Variants in COL8A1 observed in about 807,000 individuals in gnomAD.
The protein encoded by COL8A1 is collagen type VIII alpha 1 chain, also known as collagen alpha-1(VIII) chain.
COL8A1 carries 21 observed loss-of-function variants against 42.7 expected under a neutral mutation model. The ratio of observed to expected loss-of-function variants is 0.49; its 90% CI spans 0.35 to 0.71. The LOEUF is 0.71. Among genes scored for constraint, COL8A1 ranks in the 30% least tolerant of loss-of-function variants. The pLI is 0.01. For missense variants in COL8A1, 788 were observed against 962.4 expected (o/e 0.82, Z 2.40); for synonymous variants, 367 against 369.1 (o/e 0.99, Z 0.06).
chr3:99,720,600 G>T (rs1342493633), intron 1 of COL8A1, among the ~76,000 whole-genome samples: 3 of 152,070 alleles, frequency 2.0e-5, no homozygotes, highest in Non-Finnish European at 4.4e-5. Flanking sequence ...TTCACCAAAA[G>T]GCAGCCTTTC....
At chr3:99,722,697 A>G (rs1191534077) in intron 1 of COL8A1, among the ~76,000 whole-genome samples, 1 of 152,090 alleles carries the variant, frequency 6.6e-6, no homozygotes, top group Non-Finnish European at 1.5e-5. Context: ...TAGTTGCAAA[A>G]CAAGGCATTC....
intron 1 of COL8A1, among the ~76,000 whole-genome samples, chr3:99,720,164 T>C (rs1019513725): frequency 6.6e-6 from 1 of 152,186 alleles, no homozygotes; most frequent in Non-Finnish European, 1.5e-5. Context: ...AATTGTGTCA[T>C]AGAATTTCTC....
intron 2 of COL8A1, among the ~76,000 whole-genome samples, chr3:99,785,352 A>G (rs1221938413): frequency 1.3e-5 from 2 of 152,240 alleles, no homozygotes; most frequent in East Asian, 3.8e-4. Context: ...AATATTGAGA[A>G]GTCAAATTAT....
chr3:99,684,511 G>C (rs904798436), intron 1 of COL8A1, among the ~76,000 whole-genome samples: 1 of 152,120 alleles, frequency 6.6e-6, no homozygotes, highest in African/African-American at 2.4e-5. Flanking sequence ...AAGGCATATT[G>C]AATGAGCAAT....
At chr3:99,775,923 G>A (rs1259336621) in intron 2 of COL8A1, among the ~76,000 whole-genome samples, 1 of 152,198 alleles carries the variant, frequency 6.6e-6, no homozygotes, top group Non-Finnish European at 1.5e-5. Context: ...TCCAAAAGAG[G>A]CACTACCATC....
At chr3:99,654,859 A>G (rs761973514) in intron 1 of COL8A1, among the ~76,000 whole-genome samples, 1 of 152,170 alleles carries the variant, frequency 6.6e-6, no homozygotes, top group Non-Finnish European at 1.5e-5. Flanking sequence ...GTTCATAAAA[A>G]CAAAGGAAGA....
At chr3:99,721,859 C>T (rs1940166439) in intron 1 of COL8A1, among the ~76,000 whole-genome samples, 1 of 151,154 alleles carries the variant, frequency 6.6e-6, no homozygotes, top group South Asian at 2.1e-4. Context: ...TATTATAGAA[C>T]CCCTGAGAAG....
chr3:99,674,743 C>A (rs1412457933), intron 1 of COL8A1, among the ~76,000 whole-genome samples: 1 of 151,946 alleles, frequency 6.6e-6, no homozygotes, highest in African/African-American at 2.4e-5. Flanking sequence ...GCATGAAAAT[C>A]AAATGTTTGA....
intron 2 of COL8A1, among the ~76,000 whole-genome samples, chr3:99,751,881 C>T (rs572607805): frequency 1.3e-5 from 2 of 152,206 alleles, no homozygotes; most frequent in East Asian, 1.9e-4. Context: ...TTGAAATGAG[C>T]GTTCTTAGCC....
In COL8A1 at chr3:99,797,567, C is replaced by G. The variant is rs557549285; in HGVS notation, c.*1431C>G. On this transcript the variant is annotated 3_prime_UTR_variant, in exon 4 of 4. Coordinates refer to ENST00000652472, the MANE Select transcript of COL8A1 (RefSeq NM_020351.4). ...GATTACAGGCATGAGCCACCGTGCC[C>G]GGCCAAAGTCAGCTTTCAAAATCCA... The G allele has an allele frequency of 6.6e-6, 1 of 152,222 alleles. No individual in the cohort carries two copies. The highest frequency in any genetic ancestry group is 1.9e-4 in the East Asian group (1 of 5,186). The allele number at this position is 152,222 out of a possible 1,614,324, so 9.4% of individuals were successfully genotyped here.
intron 1 of COL8A1, among the ~76,000 whole-genome samples, chr3:99,681,278 TAAAC>T: frequency 6.6e-6 from 1 of 152,168 alleles, no homozygotes; most frequent in Non-Finnish European, 1.5e-5. Context: ...GCAAAGAACT[TAAAC>T]AAATTTACAA....
intron 1 of COL8A1, among the ~76,000 whole-genome samples, chr3:99,662,749 TC>T (rs374373165): frequency 9.2e-5 from 14 of 152,230 alleles, no homozygotes; most frequent in Non-Finnish European, 1.8e-4. Context: ...TCCACTAGCT[TC>T]TGATGGTTTG....
chr3:99,731,334 C>G (rs1344805399), intron 1 of COL8A1, among the ~76,000 whole-genome samples: 1 of 152,000 alleles, frequency 6.6e-6, no homozygotes, highest in Non-Finnish European at 1.5e-5. Context: ...ATGCAGTGCT[C>G]TGGAGGAAGA....
chr3:99,798,872 T>C lies in COL8A1; in HGVS notation c.*2736T>C, dbSNP rs1360294583. ...AGTGCTGCACAACATGTTAACATAT[T>C]AGTGTAAAAGCAGATGAAACAACCA... On this transcript the variant is annotated 3_prime_UTR_variant, in exon 4 of 4. Coordinates refer to ENST00000652472, the MANE Select transcript of COL8A1 (RefSeq NM_020351.4). The C allele has an allele frequency of 6.6e-6, 1 of 152,224 alleles. No individual in the cohort carries two copies. The highest frequency in any genetic ancestry group is 1.9e-4 in the East Asian group (1 of 5,204). The allele number at this position is 152,224 out of a possible 1,614,324, so 9.4% of individuals were successfully genotyped here.
chr3:99,674,537 A>G (rs914899801), intron 1 of COL8A1, among the ~76,000 whole-genome samples: 3 of 151,866 alleles, frequency 2.0e-5, no homozygotes, highest in Non-Finnish European at 4.4e-5. Context: ...GCCCCAGATC[A>G]TGACTTGACT....
At chr3:99,785,637 A>G (rs1941879823) in intron 2 of COL8A1, among the ~76,000 whole-genome samples, 1 of 152,200 alleles carries the variant, frequency 6.6e-6, no homozygotes, top group African/African-American at 2.4e-5. Context: ...GGGCCTTTAA[A>G]GAGGAAATTA....
chr3:99,769,233 T>A (rs1001537395), intron 2 of COL8A1, among the ~76,000 whole-genome samples: 1 of 152,226 alleles, frequency 6.6e-6, no homozygotes, highest in Non-Finnish European at 1.5e-5. Context: ...CCAAACACAC[T>A]GCCTGGCATA....
intron 2 of COL8A1, among the ~76,000 whole-genome samples, chr3:99,783,905 G>A (rs902909813): frequency 2.0e-5 from 3 of 152,142 alleles, no homozygotes; most frequent in South Asian, 2.1e-4. Context: ...ATGAGATTTC[G>A]GTGGGGCCAC....
At chr3:99,675,963 T>C (rs486688) in intron 1 of COL8A1, among the ~76,000 whole-genome samples, 42,279 of 151,996 alleles carry the variant, frequency 0.28, 7,094 homozygotes, top group East Asian at 0.48. Context: ...CTTGGCGAAC[T>C]TAAAAGAATG....
Sources: allele counts gnomAD v4.1 joint callset (sites outside exome capture counted in the v4.1 genomes callset), GRCh38; gene constraint gnomAD v4.1.1; transcripts MANE v1.5; gene names NCBI Gene and HGNC (gene_info 2026-07-23, HGNC 2026-07-21).